FTO: variants seen among roughly 807,000 people sequenced by gnomAD.
FTO encodes alpha-ketoglutarate-dependent dioxygenase FTO.
A neutral mutation model predicts 63.9 loss-of-function variants in FTO; 47 were observed. The ratio of observed to expected loss-of-function variants is 0.74; its 90% confidence interval spans 0.58 to 0.94. FTO has a LOEUF of 0.94. Ranked by LOEUF, FTO falls within the 40% of genes least tolerant of loss-of-function variation. The pLI is 0.00. For missense variants in FTO, 562 were observed against 618.1 expected, an observed-to-expected ratio of 0.91 and a Z score of 0.96; for synonymous variants, 207 against 224.4, an observed-to-expected ratio of 0.92 and a Z score of 0.69.
At chr16:53,994,759 G>C (rs1316280628) in intron 8 of FTO, among the ~76,000 whole-genome samples, 1 of 151,472 alleles carries the variant, frequency 6.6e-6, no homozygotes, top group Non-Finnish European at 1.5e-5. Flanking sequence ...TCTGAGACAA[G>C]GTCTCGCTCT....
chr16:53,815,744 G>A (rs140738535), intron 2 of FTO, among the ~76,000 whole-genome samples: 3 of 147,192 alleles, frequency 2.0e-5, no homozygotes, highest in African/African-American at 7.7e-5. Flanking sequence ...CGCTTCCCAG[G>A]TTCAAGCGAT....
chr16:53,739,736 T>C (rs2076487516), intron 1 of FTO, among the ~76,000 whole-genome samples: 1 of 152,172 alleles, frequency 6.6e-6, no homozygotes, highest in African/African-American at 2.4e-5. Context: ...TTGTATCTTT[T>C]TTGTCTGTGT....
At chr16:53,734,302 A>G (rs1053123806) in intron 1 of FTO, among the ~76,000 whole-genome samples, 12 of 152,176 alleles carry the variant, frequency 7.9e-5, no homozygotes, top group African/African-American at 2.9e-4. Context: ...TCTTTAAAGG[A>G]AGTAATTTAG....
Position 53,826,019 on chromosome 16 carries a change from G to A in FTO, c.279G>A (p.Pro93=), listed in dbSNP as rs746892119. 8.7e-6 allele frequency: 14 copies of A among 1,613,994 alleles called. No individual in the cohort carries two copies. Among genetic ancestry groups the A allele is most frequent in the East Asian group, 2.2e-5 (1 of 44,898 alleles). ...TCCAAGGCAAAGATCTGCTCACTCCGGTATCTCGCATCCTCATTGGTAATC... is the reference window on the plus strand; with the variant it reads ...TCCAAGGCAAAGATCTGCTCACTCCAGTATCTCGCATCCTCATTGGTAATC... The part of the protein sequence containing the change: ...VRIQGKDLLT[P]VSRILIGNPG... Residue 93 remains proline (P), a synonymous_variant, in exon 3 of 9, where the codon CCG becomes CCA. Transcript: ENST00000471389.
chr16:54,108,290 C>T (rs2086800600), intron 8 of FTO, among the ~76,000 whole-genome samples: 2 of 152,168 alleles, frequency 1.3e-5, no homozygotes, highest in Non-Finnish European at 2.9e-5. Context: ...GAACAACCAC[C>T]ATTTGGAAGG....
chr16:53,882,419 A>G (rs530495139), intron 6 of FTO, among the ~76,000 whole-genome samples: 17 of 151,974 alleles, frequency 1.1e-4, no homozygotes, highest in Non-Finnish European at 1.9e-4. Flanking sequence ...TGAGAGAACT[A>G]GAGAGCCTCC....
At chr16:54,048,573 A>G (rs1319827719) in intron 8 of FTO, among the ~76,000 whole-genome samples, 1 of 152,346 alleles carries the variant, frequency 6.6e-6, no homozygotes, top group East Asian at 1.9e-4. Context: ...TTCAGGAAAA[A>G]GAAAAAAGCA....
intron 8 of FTO, among the ~76,000 whole-genome samples, chr16:54,104,092 C>T (rs1238437473): frequency 6.6e-6 from 1 of 152,144 alleles, no homozygotes; most frequent in African/African-American, 2.4e-5. Flanking sequence ...TATGGCAAGA[C>T]ATTTGCCACA....
intron 8 of FTO, among the ~76,000 whole-genome samples, chr16:53,970,747 C>T (rs1408622484): frequency 6.6e-6 from 1 of 152,080 alleles, no homozygotes; most frequent in Admixed American, 6.5e-5. Context: ...GATTGCAAGA[C>T]TAGATTTTTC....
intron 1 of FTO, among the ~76,000 whole-genome samples, chr16:53,756,082 C>T (rs752815376): frequency 2.6e-5 from 4 of 152,188 alleles, no homozygotes; most frequent in Non-Finnish European, 5.9e-5. Flanking sequence ...AAACAGGTTC[C>T]TTTCCCCTTC....
rs772773347 is a variant in FTO, at chr16:54,037,456, G to A, written c.1365-74306G>A. ...CACCCAACTCTACCCTCCTTGTCAC[G>A]TTGATGAAACTAAGGCAAATGAAAG... is the stretch of plus-strand genomic sequence containing the variant. On this transcript the variant is annotated intron_variant, in intron 8 of 8. Transcript: ENST00000471389. Among the ~76,000 whole-genome samples, 18 of 152,188 alleles carry A rather than the reference G, an allele frequency of 1.2e-4. 1 individual carries two copies. The South Asian group carries it at 1.7e-3, about 14-fold the overall frequency.
intron 8 of FTO, among the ~76,000 whole-genome samples, chr16:54,005,545 C>T (rs535294292): frequency 1.3e-5 from 2 of 152,002 alleles, no homozygotes; most frequent in East Asian, 1.9e-4. Flanking sequence ...TTAAACCTCA[C>T]GAGAGTTCTT....
In FTO at chr16:53,825,944, C is replaced by T; in HGVS notation, c.204C>T (p.Ala68=). 6.2e-7 allele frequency: 1 copy of T among 1,614,126 alleles called. No homozygotes were observed. Residue 68 remains alanine (A), a synonymous_variant, in exon 3 of 9, where the codon GCC becomes GCT. Transcript: ENST00000471389. The part of the protein sequence containing the change: ...SEELHKEVQE[A]FLTLHKHGCL... Reference sequence around the variant, plus strand: ...AGCTCCATAAAGAGGTTCAAGAAGCCTTTCTCACACTGCACAAGCATGGCT... The same window carrying T: ...AGCTCCATAAAGAGGTTCAAGAAGCTTTTCTCACACTGCACAAGCATGGCT...
At chr16:54,064,673 A>C (rs1462717121) in intron 8 of FTO, among the ~76,000 whole-genome samples, 1 of 152,146 alleles carries the variant, frequency 6.6e-6, no homozygotes, top group Non-Finnish European at 1.5e-5. Context: ...CTGTAATCCA[A>C]AGCTATTTTA....
intron 4 of FTO, among the ~76,000 whole-genome samples, chr16:53,854,902 T>A (rs958586393): frequency 6.6e-6 from 1 of 152,194 alleles, no homozygotes; most frequent in African/African-American, 2.4e-5. Flanking sequence ...TATTGATTCT[T>A]CCAATCCGTG....
At chr16:54,078,165 T>C (rs983628992) in intron 8 of FTO, among the ~76,000 whole-genome samples, 1 of 151,966 alleles carries the variant, frequency 6.6e-6, no homozygotes, top group African/African-American at 2.4e-5. Context: ...TTCTAAACAG[T>C]GTTCAAAGTT....
chr16:53,743,159 T>A lies in FTO; in HGVS notation c.45+38930T>A, dbSNP rs376049449. ...GTTAGCCTAAAATTTGAAATGCCCC[T>A]TCATTTGCTACAAAAATATTATATT... On this transcript the variant is annotated intron_variant, in intron 1 of 8. Transcript: ENST00000471389. Among the ~76,000 whole-genome samples the A allele has an allele frequency of 1.0e-3, 157 of 152,326 alleles. 2 individuals carry two copies. The South Asian group carries it at 0.03, about 30-fold the overall frequency.
intron 2 of FTO, among the ~76,000 whole-genome samples, chr16:53,819,281 C>T (rs2151758208): frequency 6.6e-6 from 1 of 152,276 alleles, no homozygotes. Flanking sequence ...GCCATCCTTC[C>T]ACCTCAGCTG....
chr16:53,960,543 C>A (rs2083050210), intron 8 of FTO, among the ~76,000 whole-genome samples: 1 of 152,218 alleles, frequency 6.6e-6, no homozygotes, highest in Non-Finnish European at 1.5e-5. Context: ...CATCACTGGT[C>A]TGAAAGAGGC....
Sources: allele counts gnomAD v4.1 joint callset (sites outside exome capture counted in the v4.1 genomes callset), GRCh38; gene constraint gnomAD v4.1.1; transcripts MANE v1.5; gene names NCBI Gene and HGNC (gene_info 2026-07-23, HGNC 2026-07-21).